FBXL7: variants seen among roughly 807,000 people sequenced by gnomAD.
The protein encoded by FBXL7 is F-box and leucine rich repeat protein 7, also known as F-box/LRR-repeat protein 7.
A neutral mutation model predicts 38.3 loss-of-function variants in FBXL7; 12 were observed. The observed-to-expected ratio is 0.31, with a 90% CI of 0.20 to 0.51. The LOEUF (loss-of-function observed/expected upper bound fraction) is 0.51, where lower values mean the gene tolerates loss of function less well. FBXL7 is among the 20% of genes least tolerant of loss of function. FBXL7 has a pLI of 0.98. For synonymous variants in FBXL7, 297 were observed against 300.9 expected (o/e 0.99, Z 0.13); for missense variants, 567 against 676.4 (o/e 0.84, Z 1.79).
At chr5:15,930,963 C>T (rs879282964) in intron 3 of FBXL7, among the ~76,000 whole-genome samples, 5 of 152,230 alleles carry the variant, frequency 3.3e-5, no homozygotes, top group Admixed American at 1.3e-4. Context: ...AGCTGGGCCC[C>T]GATAGTGGCC....
chr5:15,822,874 TGG>T (rs1195320884), intron 2 of FBXL7, among the ~76,000 whole-genome samples: 1 of 152,166 alleles, frequency 6.6e-6, no homozygotes, highest in Non-Finnish European at 1.5e-5. Context: ...AATAGATCTC[TGG>T]GTCTCACCAC....
At chr5:15,820,918 T>C (rs1738151676) in intron 2 of FBXL7, among the ~76,000 whole-genome samples, 1 of 152,114 alleles carries the variant, frequency 6.6e-6, no homozygotes, top group African/African-American at 2.4e-5. Context: ...CTAAAGAGCT[T>C]TTAGAAAATA....
intron 3 of FBXL7, among the ~76,000 whole-genome samples, chr5:15,930,329 C>T (rs971931910): frequency 6.6e-6 from 1 of 152,122 alleles, no homozygotes; most frequent in Non-Finnish European, 1.5e-5. Context: ...AAAGAAATGG[C>T]GAAGGACTGG....
At chr5:15,535,474 G>A (rs1737558508) in intron 1 of FBXL7, among the ~76,000 whole-genome samples, 1 of 152,214 alleles carries the variant, frequency 6.6e-6, no homozygotes, top group East Asian at 1.9e-4. Flanking sequence ...TGGAGATGAG[G>A]AACTTATTGT....
intron 2 of FBXL7, among the ~76,000 whole-genome samples, chr5:15,832,903 G>T (rs964189871): frequency 6.6e-6 from 1 of 152,032 alleles, no homozygotes; most frequent in African/African-American, 2.4e-5. Context: ...AGGACCCGGT[G>T]GGAGGTAATT....
Position 15,580,825 on chromosome 5 carries a change from A to G in FBXL7, c.38-35158A>G, listed in dbSNP as rs552563737. 6.9e-5 allele frequency: 68 copies of G among 985,146 alleles called. No individual in the cohort carries two copies. The African/African-American group carries it at 1.1e-3, about 16-fold the overall frequency. The allele number at this position is 985,146 out of a possible 1,614,324, so 61.0% of individuals were successfully genotyped here. On this transcript the variant is annotated intron_variant, in intron 1 of 3. Coordinates refer to ENST00000504595, the MANE Select transcript of FBXL7 (RefSeq NM_012304.5). ...CTCAGTTGCCCAGGTGAGCAGAGTC[A>G]TGGGCCTGGAGACTATCCCAGCGAC... is the stretch of plus-strand genomic sequence containing the variant.
rs147151346 is a variant in FBXL7 at position 15,561,976 on chromosome 5, A to T, written c.38-54007A>T. ...ATAATAGAGCCTAGAAATAAATCCAAGCCTAACCAGTCAACTAATCTTGGA... is the reference window on the plus strand; with the variant it reads ...ATAATAGAGCCTAGAAATAAATCCATGCCTAACCAGTCAACTAATCTTGGA... On this transcript the variant is annotated intron_variant, in intron 1 of 3. Transcript: ENST00000504595. Among the ~76,000 whole-genome samples the T allele has an allele frequency of 5.3e-4, 80 of 152,284 alleles. 3 individuals carry two copies. The East Asian group carries it at 0.014, about 27-fold the overall frequency.
At chr5:15,621,000 C>T (rs1352594644) in intron 2 of FBXL7, among the ~76,000 whole-genome samples, 1 of 152,160 alleles carries the variant, frequency 6.6e-6, no homozygotes, top group Non-Finnish European at 1.5e-5. Context: ...CCTGTCTATC[C>T]AGTGTTCCAG....
chr5:15,544,217 T>G (rs1428832049), intron 1 of FBXL7, among the ~76,000 whole-genome samples: 2 of 152,080 alleles, frequency 1.3e-5, no homozygotes, highest in Non-Finnish European at 2.9e-5. Context: ...CTCAACCAAC[T>G]CTCCCTTGAA....
At chr5:15,569,575 C>T (rs1436732837) in intron 1 of FBXL7, among the ~76,000 whole-genome samples, 3 of 147,774 alleles carry the variant, frequency 2.0e-5, no homozygotes, top group Non-Finnish European at 4.5e-5. Context: ...AATTGAATAC[C>T]CTTTATTTCC....
chr5:15,509,297 A>G (rs943168042), intron 1 of FBXL7, among the ~76,000 whole-genome samples: 58 of 152,244 alleles, frequency 3.8e-4, no homozygotes, highest in African/African-American at 1.3e-3. Flanking sequence ...TGCTATAGCT[A>G]CAGAAATTCA....
chr5:15,900,734 T>G (rs895183604), intron 2 of FBXL7, among the ~76,000 whole-genome samples: 5 of 152,192 alleles, frequency 3.3e-5, no homozygotes, highest in African/African-American at 1.2e-4. Flanking sequence ...TAGTATGGAC[T>G]GTCTGAAATG....
At chr5:15,574,689 C>T (rs531215061) in intron 1 of FBXL7, among the ~76,000 whole-genome samples, 1 of 152,266 alleles carries the variant, frequency 6.6e-6, no homozygotes, top group Admixed American at 6.5e-5. Context: ...GAGAGTAAGC[C>T]TGCCCGTGTG....
chr5:15,917,391 A>T (rs1741610604), intron 2 of FBXL7, among the ~76,000 whole-genome samples: 1 of 152,166 alleles, frequency 6.6e-6, no homozygotes, highest in Non-Finnish European at 1.5e-5. Flanking sequence ...TGGCAAGATC[A>T]CTTGAGCCCA....
At chr5:15,529,738 T>A (rs1737366031) in intron 1 of FBXL7, among the ~76,000 whole-genome samples, 1 of 152,180 alleles carries the variant, frequency 6.6e-6, no homozygotes, top group Non-Finnish European at 1.5e-5. Context: ...AATATTATCT[T>A]TCTTTTATGT....
chr5:15,508,955 T>A (rs1736722450), intron 1 of FBXL7, among the ~76,000 whole-genome samples: 1 of 152,200 alleles, frequency 6.6e-6, no homozygotes, highest in Non-Finnish European at 1.5e-5. Context: ...CCAAGTAAAC[T>A]TACAGCGTTA....
intron 2 of FBXL7, among the ~76,000 whole-genome samples, chr5:15,646,378 AAGTGGTCAACTT>A (rs1451138032): frequency 2.0e-5 from 3 of 152,182 alleles, no homozygotes; most frequent in Non-Finnish European, 2.9e-5. Flanking sequence ...TATTGCTAGT[AAGTGGTCAACTT>A]ATGAATTGAA....
chr5:15,844,187 A>G (rs1188146805), intron 2 of FBXL7, among the ~76,000 whole-genome samples: 4 of 152,184 alleles, frequency 2.6e-5, no homozygotes, highest in Non-Finnish European at 4.4e-5. Context: ...TGCCAGTAGA[A>G]GCATTTAATT....
At chr5:15,725,192 C>T (rs938481113) in intron 2 of FBXL7, among the ~76,000 whole-genome samples, 8 of 152,016 alleles carry the variant, frequency 5.3e-5, no homozygotes, top group African/African-American at 1.9e-4. Flanking sequence ...TTAGTTTATA[C>T]TTCTTTCCCT....
Sources: allele counts gnomAD v4.1 joint callset (sites outside exome capture counted in the v4.1 genomes callset), GRCh38; gene constraint gnomAD v4.1.1; transcripts MANE v1.5; gene names NCBI Gene and HGNC (gene_info 2026-07-23, HGNC 2026-07-21).